Variants in TMEM232 observed in about 807,000 individuals in gnomAD.
TMEM232 encodes transmembrane protein 232.
TMEM232 carries 80 observed loss-of-function variants against 78.8 expected under a neutral mutation model. The observed-to-expected ratio is 1.01, with a 90% CI of 0.85 to 1.22. TMEM232 has a LOEUF of 1.22. Ranked by LOEUF, TMEM232 falls within the 50% of genes most tolerant of loss-of-function variation. The pLI is 0.00. For synonymous variants in TMEM232, 297 were observed against 254.3 expected (o/e 1.17, Z -1.60); for missense variants, 881 against 742.2 (o/e 1.19, Z -2.17).
At chr5:110,407,752 T>G (rs1201194172) in intron 2 of TMEM232, among the ~76,000 whole-genome samples, 1 of 152,146 alleles carries the variant, frequency 6.6e-6, no homozygotes. Context: ...TGGAACATTT[T>G]CCAGAAGAGA....
rs1290826533 is a variant in TMEM232 at position 110,460,116 on chromosome 5, CTT to C, written c.1704-35202_1704-35201del. 2.0e-5 allele frequency among the ~76,000 whole-genome samples: 3 copies of C among 152,118 alleles called. No homozygotes were observed. In the East Asian group the frequency reaches 5.8e-4, roughly 29 times the overall value. On this transcript the variant is annotated intron_variant, in intron 12 of 13. Coordinates refer to ENST00000455884, the MANE Select transcript of TMEM232 (RefSeq NM_001039763.4). ...ATAATTTGAAGACAATTGAAAAAAACTTAGTATGACTGTGAATTATAAGATAG... is the reference window on the plus strand; with the variant it reads ...ATAATTTGAAGACAATTGAAAAAAACAGTATGACTGTGAATTATAAGATAG...
intron 11 of TMEM232, among the ~76,000 whole-genome samples, chr5:110,536,800 A>G (rs1171804582): frequency 2.6e-5 from 4 of 152,134 alleles, no homozygotes; most frequent in Non-Finnish European, 5.9e-5. Context: ...TGTGTGGGGC[A>G]TGGGGGGCAT....
chr5:110,469,709 A>G (rs933626266), intron 12 of TMEM232, among the ~76,000 whole-genome samples: 3 of 152,142 alleles, frequency 2.0e-5, no homozygotes, highest in African/African-American at 2.4e-5. Context: ...AGAGCTGTCA[A>G]TCCCCTCAGC....
intron 9 of TMEM232, 131 bp from the exon 10 acceptor site, chr5:110,605,489 G>A: frequency 3.9e-6 from 4 of 1,034,600 alleles, no homozygotes; most frequent in Non-Finnish European, 4.0e-6. Context: ...TTAAAAAATG[G>A]GTTTACCATG....
At chr5:110,461,459 A>G (rs1761520183) in intron 12 of TMEM232, among the ~76,000 whole-genome samples, 1 of 152,228 alleles carries the variant, frequency 6.6e-6, no homozygotes, top group African/African-American at 2.4e-5. Flanking sequence ...AGTTGTTCCT[A>G]TATCATAACA....
chr5:110,390,286 G>A (rs1755131621), intron 4 of TMEM232: 1 of 152,156 alleles, frequency 6.6e-6, no homozygotes, highest in Admixed American at 6.6e-5. Context: ...GAAGAGAATG[G>A]TCAGATACTT....
At chr5:110,592,672 AAAAC>A (rs1288135842) in intron 10 of TMEM232, among the ~76,000 whole-genome samples, 2 of 152,168 alleles carry the variant, frequency 1.3e-5, no homozygotes, top group African/African-American at 2.4e-5. Context: ...AACAAAAACA[AAAAC>A]AAAAAACAAA....
chr5:110,441,994 G>T (rs1324841005), intron 12 of TMEM232, among the ~76,000 whole-genome samples: 2 of 14,684 alleles, frequency 1.4e-4, no homozygotes, highest in South Asian at 8.3e-3. Flanking sequence ...GTTGCCAGAG[G>T]TATTGGAGCT....
At position 110,454,872 on chromosome 5, in the gene TMEM232, T is replaced by G. The variant is rs962892592; in HGVS notation, c.1704-29956A>C. ...TAATCAATGAAAGTGAAAAAAACAA[T>G]AGAGTAATTGAAAACCAAATCCTTG... On this transcript the variant is annotated intron_variant, in intron 12 of 13. Transcript: ENST00000455884. Among the ~76,000 whole-genome samples, 8 of 145,196 alleles carry G rather than the reference T, an allele frequency of 5.5e-5. 1 individual carries two copies. In the South Asian group the frequency reaches 1.7e-3, roughly 31 times the overall value.
At chr5:110,628,384 T>C (rs916622763) in intron 5 of TMEM232, among the ~76,000 whole-genome samples, 3 of 152,092 alleles carry the variant, frequency 2.0e-5, no homozygotes, top group African/African-American at 7.2e-5. Context: ...AGAACTATCC[T>C]ACTTCTGCAT....
intron 11 of TMEM232, among the ~76,000 whole-genome samples, chr5:110,559,966 T>A (rs939513778): frequency 5.3e-5 from 8 of 152,180 alleles, no homozygotes; most frequent in South Asian, 2.1e-4. Context: ...GTTTTCACGA[T>A]TGCCTTCTTA....
At chr5:110,522,222 G>T (rs1769631994) in intron 12 of TMEM232, among the ~76,000 whole-genome samples, 1 of 151,936 alleles carries the variant, frequency 6.6e-6, no homozygotes, top group Admixed American at 6.6e-5. Context: ...CTATCGTATA[G>T]CTCACTGTTA....
intron 1 of TMEM232, among the ~76,000 whole-genome samples, chr5:110,676,981 G>C (rs982182004): frequency 6.6e-6 from 1 of 151,916 alleles, no homozygotes; most frequent in Non-Finnish European, 1.5e-5. Context: ...GGCTGGTCTT[G>C]AACTCCTGAA....
chr5:110,606,264 A>C lies in TMEM232; in HGVS notation c.926T>G (p.Leu309Arg), dbSNP rs1396396373. The change falls in exon 9 of 14, where the codon CTG (leucine) becomes CGG (arginine). Residue 309 changes from leucine (L) to arginine (R), a missense_variant. Coordinates refer to ENST00000455884, the MANE Select transcript of TMEM232 (RefSeq NM_001039763.4). ...KCWLDSVLALLVLGEAAKLNM... is the reference protein window; with the variant it reads ...KCWLDSVLALRVLGEAAKLNM... ...TAATTTGGCAGCCTCCCCAAGGACC[A>C]GTAAAGCCAGTACTGAATCCAACCT... 7.1e-6 allele frequency: 11 copies of C among 1,542,920 alleles called. No homozygotes were observed. Among genetic ancestry groups the C allele is most frequent in the Non-Finnish European group, 9.6e-6 (11 of 1,140,964 alleles).
chr5:110,640,900 T>C lies in TMEM232; in HGVS notation c.334A>G (p.Ile112Val). Residue 112 changes from isoleucine (I) to valine (V), a missense_variant, in exon 4 of 14, where the codon ATC becomes GTC. By Grantham distance (29) the Ile-to-Val change is conservative (BLOSUM62 3). Coordinates refer to ENST00000455884, the MANE Select transcript of TMEM232 (RefSeq NM_001039763.4). ...AATTTAAAGTACGTACCATCTTGGA[T>C]TTCCCCTTTGCATTGAGCCAGATAT... ...VIYLAQCKGE[I>V]QDESLNMLYA... The C allele has an allele frequency of 6.5e-7, 1 of 1,529,832 alleles. No homozygotes were observed. The highest frequency in any genetic ancestry group is 8.8e-7 in the Non-Finnish European group (1 of 1,135,584). The allele number at this position is 1,529,832 out of a possible 1,614,324, so 94.8% of individuals were successfully genotyped here. A position where few individuals can be genotyped will look rare whatever the true frequency, so the allele number is the denominator to read the frequency against.
At chr5:110,532,745 A>C (rs370052612) in intron 11 of TMEM232, among the ~76,000 whole-genome samples, 66 of 151,694 alleles carry the variant, frequency 4.4e-4, no homozygotes, top group East Asian at 2.5e-3. Flanking sequence ...GTATAAGATA[A>C]CTCTACCCCG....
rs1437736132 is a variant in TMEM232, at chr5:110,661,419, C to A, written c.125+5809G>T. Reference sequence around the variant, plus strand: ...CTCTACCTCTAGGTCTCAAGTAACCCCCCCCACCTCATCTTCCTGGGTAGC... The same window carrying A: ...CTCTACCTCTAGGTCTCAAGTAACCACCCCCACCTCATCTTCCTGGGTAGC... On this transcript the variant is annotated intron_variant, in intron 2 of 13. Coordinates refer to ENST00000455884, the MANE Select transcript of TMEM232 (RefSeq NM_001039763.4). 2.6e-5 allele frequency among the ~76,000 whole-genome samples: 4 copies of A among 152,108 alleles called. 1 individual carries two copies. The South Asian group carries it at 8.3e-4, about 32-fold the overall frequency.
intron 13 of TMEM232, among the ~76,000 whole-genome samples, chr5:110,423,197 G>A (rs311690): frequency 6.6e-6 from 1 of 152,114 alleles, no homozygotes; most frequent in African/African-American, 2.4e-5. Flanking sequence ...CATAAGCCAA[G>A]AACTTCAGCA....
At chr5:110,455,562 T>G (rs1208142330) in intron 12 of TMEM232, among the ~76,000 whole-genome samples, 2 of 151,816 alleles carry the variant, frequency 1.3e-5, no homozygotes, top group Non-Finnish European at 1.5e-5. Context: ...GTATTTTTAA[T>G]AAAGACAGGG....
Sources: allele counts gnomAD v4.1 joint callset (sites outside exome capture counted in the v4.1 genomes callset), GRCh38; gene constraint gnomAD v4.1.1; transcripts MANE v1.5; gene names NCBI Gene and HGNC (gene_info 2026-07-23, HGNC 2026-07-21).